ALPK3: variants seen among roughly 807,000 people sequenced by gnomAD.
ALPK3 encodes the protein alpha-protein kinase 3.
ALPK3 carries 102 observed loss-of-function variants against 140.0 expected under a neutral mutation model. The observed-to-expected ratio is 0.73, with a 90% CI of 0.62 to 0.86. The LOEUF (loss-of-function observed/expected upper bound fraction) is 0.86. Ranked by LOEUF, ALPK3 falls within the 40% of genes least tolerant of loss-of-function variation. The probability of loss-of-function intolerance (pLI) is 0.00; values close to 1 mark genes in which losing one functional copy is unlikely to be tolerated. For missense variants in ALPK3, 2,254 were observed against 2,208.2 expected, an observed-to-expected ratio of 1.02 and a Z score of -0.42; for synonymous variants, 938 against 898.5, an observed-to-expected ratio of 1.04 and a Z score of -0.79.
rs2141556463 is a variant in ALPK3, at chr15:84,839,959, T to A, written c.680T>A (p.Leu227Ter). 1.9e-6 allele frequency: 3 copies of A among 1,613,212 alleles called. No individual in the cohort carries two copies. The highest frequency in any genetic ancestry group is 2.5e-6 in the Non-Finnish European group (3 of 1,179,582). ...SPDRFQRKRRLSGAQAPGPSV... is the reference protein window; with the variant it reads ...SPDRFQRKRR The stretch of plus-strand genomic sequence containing the variant: ...GACCGCTTCCAGCGAAAGCGGCGAT[T>A]GAGCGGGGCTCAAGCGCCGGGCCCC... The change falls in exon 5 of 14, where the codon TTG becomes TAG. Residue 227 changes from leucine (L) to a stop codon, truncating the protein, a stop_gained. Coordinates refer to ENST00000258888, the MANE Select transcript of ALPK3 (RefSeq NM_020778.5). LOFTEE classifies it high-confidence loss of function.
At chr15:84,845,695 A>G (rs962483861) in intron 5 of ALPK3, among the ~76,000 whole-genome samples, 4 of 152,338 alleles carry the variant, frequency 2.6e-5, no homozygotes, top group Admixed American at 2.6e-4. Context: ...CTTCGAGAAT[A>G]AAAACACTAA....
In ALPK3 at chr15:84,853,585, G is replaced by C. The variant is rs1963829506; in HGVS notation, c.1654-2807G>C. Among the ~76,000 whole-genome samples, 2 of 152,166 alleles carry C rather than the reference G, an allele frequency of 1.3e-5. 1 individual carries two copies. Among genetic ancestry groups the C allele is most frequent in the South Asian group, 4.1e-4 (2 of 4,822 alleles). On this transcript the variant is annotated intron_variant, in intron 5 of 13. Coordinates refer to ENST00000258888, the MANE Select transcript of ALPK3 (RefSeq NM_020778.5). The stretch of plus-strand genomic sequence containing the variant: ...GCCAAGATCATGCCAGTGCGCTCCA[G>C]CCTGGGTGACAGAGCGAGACTCCGT...
At chr15:84,858,658 C>A in intron 6 of ALPK3, 103 bp downstream of exon 6, 1 of 1,428,492 alleles carries the variant, frequency 7.0e-7, no homozygotes, top group East Asian at 2.4e-5. Context: ...TAGCATATCC[C>A]TCCTCGGGAT....
chr15:84,825,611 CT>C lies in ALPK3; in HGVS notation c.183-1872del, dbSNP rs571337192. The stretch of plus-strand genomic sequence containing the variant: ...GCGGCTTCATACCTAGGAGCTTAAG[CT>C]GAATATTGGATCCAGGCTCAAGGTC... On this transcript the variant is annotated intron_variant, in intron 2 of 13. Transcript: ENST00000258888. Among the ~76,000 whole-genome samples, 21 of 152,268 alleles carry C rather than the reference CT, an allele frequency of 1.4e-4. No individual in the cohort carries two copies. The South Asian group carries it at 4.4e-3, about 32-fold the overall frequency.
chr15:84,859,455 G>T, intron 7 of ALPK3, 65 bp downstream of exon 7: 1 of 1,584,482 alleles, frequency 6.3e-7, no homozygotes. Flanking sequence ...GTTGGGCACT[G>T]TCCTAGTGCT....
chr15:84,854,760 G>A lies in ALPK3; in HGVS notation c.1654-1632G>A, dbSNP rs141732088. ...GAAGTTTCTTCCCCTTTCCACTTTCGTGCTGGCTGTGTTGTTTCTGTATCG... is the reference window on the plus strand; with the variant it reads ...GAAGTTTCTTCCCCTTTCCACTTTCATGCTGGCTGTGTTGTTTCTGTATCG... On this transcript the variant is annotated intron_variant, in intron 5 of 13. Transcript: ENST00000258888. 2.2e-4 allele frequency among the ~76,000 whole-genome samples: 34 copies of A among 152,150 alleles called. 1 individual carries two copies. The East Asian group carries it at 5.8e-3, about 26-fold the overall frequency.
At chr15:84,866,412 G>A (rs1964003990) in intron 12 of ALPK3, among the ~76,000 whole-genome samples, 3 of 152,210 alleles carry the variant, frequency 2.0e-5, no homozygotes, top group African/African-American at 7.2e-5. Context: ...CAGCTCAGAA[G>A]TGGTAGAGCT....
intron 5 of ALPK3, among the ~76,000 whole-genome samples, chr15:84,854,281 C>A: frequency 6.7e-6 from 1 of 148,876 alleles, no homozygotes; most frequent in Non-Finnish European, 1.5e-5. Context: ...TTCTTCTCTG[C>A]ATTTTCTTCA....
chr15:84,858,239 AT>A lies in ALPK3; in HGVS notation c.3504del (p.Leu1169SerfsTer103). 6.2e-7 allele frequency: 1 copy of A among 1,608,904 alleles called. No homozygotes were observed. Among genetic ancestry groups the A allele is most frequent in the Non-Finnish European group, 8.5e-7 (1 of 1,177,718 alleles). ...ELALGARRKRFLPKVRAAGDG... is the reference protein window; with the variant it reads ...ELALGARRKRXLPKVRAAGDG... ...TGGCTCTAGGGGCCCGGAGGAAGAG[AT>A]TTCTCCCTAAGGTCAGAGCAGCAGG... On this transcript the variant is annotated frameshift_variant, in exon 6 of 14. Transcript: ENST00000258888. LOFTEE classifies it high-confidence loss of function.
chr15:84,862,598 G>T (rs770316782), intron 9 of ALPK3, 37 bp from the exon 10 acceptor site: 2 of 1,564,828 alleles, frequency 1.3e-6, no homozygotes, highest in East Asian at 2.3e-5. Flanking sequence ...TGAGACAGGA[G>T]CTCCTGGTCT....
At position 84,862,620 on chromosome 15, in the gene ALPK3, C is replaced by T; in HGVS notation, c.4130-15C>T. The T allele has an allele frequency of 6.3e-7, 1 of 1,591,744 alleles. No individual in the cohort carries two copies. Among genetic ancestry groups the T allele is most frequent in the Non-Finnish European group, 8.6e-7 (1 of 1,165,178 alleles). ...GGAGCTCCTGGTCTCCCACATTTCT[C>T]CTGTTCCCCTTCAGTTGGAGAAGAG... On this transcript the variant is annotated splice_polypyrimidine_tract_variant and intron_variant, in intron 9 of 13. Coordinates refer to ENST00000258888, the MANE Select transcript of ALPK3 (RefSeq NM_020778.5).
chr15:84,868,481 A>G lies in ALPK3; in HGVS notation c.*25A>G, dbSNP rs1596159703. 3.2e-6 allele frequency: 5 copies of G among 1,574,640 alleles called. No homozygotes were observed. Among genetic ancestry groups the G allele is most frequent in the Non-Finnish European group, 4.3e-6 (5 of 1,164,992 alleles). ...GCCTCCGCAGAGGCTGGGGGCCTCC[A>G]CCCAGCAGCAGACCAACCAGGAAGC... On this transcript the variant is annotated 3_prime_UTR_variant, in exon 14 of 14. Transcript: ENST00000258888.
intron 2 of ALPK3, among the ~76,000 whole-genome samples, chr15:84,826,075 G>T (rs982365059): frequency 5.3e-5 from 8 of 152,106 alleles, no homozygotes; most frequent in African/African-American, 1.9e-4. Context: ...TGAATGCCCA[G>T]GTATCTACAT....
chr15:84,842,206 G>A (rs1316194404), intron 5 of ALPK3, among the ~76,000 whole-genome samples: 1 of 152,186 alleles, frequency 6.6e-6, no homozygotes, highest in African/African-American at 2.4e-5. Flanking sequence ...GCTAATTTTT[G>A]TATTTTTAGT....
intron 10 of ALPK3, among the ~76,000 whole-genome samples, 160 bp downstream of exon 10, chr15:84,863,075 C>T (rs1210341581): frequency 6.6e-6 from 1 of 152,138 alleles, no homozygotes; most frequent in Non-Finnish European, 1.5e-5. Flanking sequence ...TGAGATGCAG[C>T]CCAGAATTCA....
chr15:84,852,225 A>T (rs1382651206), intron 5 of ALPK3, among the ~76,000 whole-genome samples: 5 of 152,228 alleles, frequency 3.3e-5, no homozygotes, highest in Non-Finnish European at 4.4e-5. Context: ...ATTAAGTAAA[A>T]TAATGGTTAC....
intron 10 of ALPK3, 121 bp from the exon 11 acceptor site, chr15:84,863,431 C>A (rs891202269): frequency 7.5e-6 from 6 of 804,000 alleles, no homozygotes; most frequent in Non-Finnish European, 1.2e-5. Flanking sequence ...CCTTCCTCCC[C>A]CAGGGCTGGA....
intron 3 of ALPK3, among the ~76,000 whole-genome samples, chr15:84,834,543 G>T (rs1291758348): frequency 6.6e-6 from 1 of 152,262 alleles, no homozygotes; most frequent in Admixed American, 6.5e-5. Context: ...CATTTGCACA[G>T]GAGTGTTCTG....
At chr15:84,867,211 A>C in intron 12 of ALPK3, 106 bp from the exon 13 acceptor site, 1 of 1,045,466 alleles carries the variant, frequency 9.6e-7, no homozygotes, top group Non-Finnish European at 1.4e-6. Flanking sequence ...TGTCTCCAGC[A>C]GGAAGAGACA....
Sources: allele counts gnomAD v4.1 joint callset (sites outside exome capture counted in the v4.1 genomes callset), GRCh38; gene constraint gnomAD v4.1.1; transcripts MANE v1.5; gene names NCBI Gene and HGNC (gene_info 2026-07-23, HGNC 2026-07-21).